Variants in MTMR10 observed in about 807,000 individuals in gnomAD.
The protein encoded by MTMR10 is myotubularin related protein 10.
A neutral mutation model predicts 88.1 loss-of-function variants in MTMR10; 56 were observed. The ratio of observed to expected loss-of-function variants is 0.64; its 90% CI spans 0.51 to 0.79. The LOEUF (loss-of-function observed/expected upper bound fraction) is 0.79, where lower values mean the gene tolerates loss of function less well. Among genes scored for constraint, MTMR10 ranks in the 30% least tolerant of loss-of-function variants. The pLI is 0.00. For missense variants in MTMR10, 883 were observed against 924.7 expected (o/e 0.95, Z 0.58); for synonymous variants, 380 against 340.9 (o/e 1.11, Z -1.26).
rs1332670285 is a variant in MTMR10 at position 30,953,593 on chromosome 15, G to A, written c.1105C>T (p.Leu369=). The part of the protein sequence containing the change: ...EETEEKWLSS[L]ENTRWLEYVR... Reference sequence around the variant, plus strand: ...TATTCTAACCATCGAGTATTTTCCAGTGAAGATAACCATTTCTCTTCAGTT... The same window carrying A: ...TATTCTAACCATCGAGTATTTTCCAATGAAGATAACCATTTCTCTTCAGTT... The change falls in exon 11 of 16, where the codon CTG becomes TTG. Residue 369 remains leucine, a synonymous_variant. Transcript: ENST00000435680. 1 of 1,546,624 alleles carries A rather than the reference G, an allele frequency of 6.5e-7. No homozygotes were observed. The highest frequency in any genetic ancestry group is 1.4e-5 in the African/African-American group (1 of 73,042).
At chr15:30,966,362 T>A (rs1263765564) in intron 6 of MTMR10, among the ~76,000 whole-genome samples, 13 of 152,222 alleles carry the variant, frequency 8.5e-5, no homozygotes, top group Admixed American at 8.5e-4. Flanking sequence ...GAAGCAGGCA[T>A]CAGGTTACCA....
rs2030025013 is a variant in MTMR10 at position 30,975,143 on chromosome 15, T to C, written c.259-140A>G. 35 of 593,400 alleles carry C rather than the reference T, an allele frequency of 5.9e-5. 1 individual carries two copies. The South Asian group carries it at 8.5e-4, about 14-fold the overall frequency. 36.8% of individuals were successfully genotyped at this position (593,400 alleles called of 1,614,324 possible). On this transcript the variant is annotated intron_variant, in intron 3 of 15. Transcript: ENST00000435680. ...GCTTTTGTCTAGGTAGCTAGGGCCA[T>C]TCCAATGTTGACAGATAGAAATTAG... is the stretch of plus-strand genomic sequence containing the variant.
intron 7 of MTMR10, among the ~76,000 whole-genome samples, chr15:30,959,513 G>A (rs951423186): frequency 5.3e-5 from 8 of 152,136 alleles, no homozygotes; most frequent in African/African-American, 1.9e-4. Context: ...CTCTTCTTAA[G>A]TCCCTCTTCT....
the MTMR10 span, among the ~76,000 whole-genome samples, chr15:30,931,265 C>T: frequency 6.6e-6 from 1 of 152,136 alleles, no homozygotes; most frequent in Non-Finnish European, 1.5e-5. Flanking sequence ...CTAGCCCAGC[C>T]CTGCTGCCCA....
At chr15:30,930,391 G>GT in the MTMR10 span, 1 of 841,040 alleles carries the variant, frequency 1.2e-6, no homozygotes, top group Non-Finnish European at 1.7e-6. Flanking sequence ...TGCAGCTCTG[G>GT]TACAAGCAGC....
the MTMR10 span, among the ~76,000 whole-genome samples, chr15:30,929,776 ATAT>A: frequency 0.019 from 453 of 23,590 alleles, 70 homozygotes; most frequent in African/African-American, 0.029. Flanking sequence ...AATATATAAT[ATAT>A]TATATCATAT....
At position 30,991,488 on chromosome 15, in the gene MTMR10, G is replaced by C; in HGVS notation, c.19C>G (p.Pro7Ala). The C allele has an allele frequency of 6.6e-7, 1 of 1,519,418 alleles. No individual in the cohort carries two copies. The highest frequency in any genetic ancestry group is 8.8e-7 in the Non-Finnish European group (1 of 1,142,620). The allele number at this position is 1,519,418 out of a possible 1,614,324, so 94.1% of individuals were successfully genotyped here. Residue 7 changes from proline to alanine, a missense_variant, in exon 1 of 16, where the codon CCC (proline) becomes GCC (alanine). Physicochemically the swap from Pro to Ala is conservative, Grantham distance 27 (BLOSUM62 -1). Transcript: ENST00000435680. ...AGGTAGGACCTGAAGGTGGGTTTGG[G>C]CGGCTTGAGGGAGAACATGGTGCCG... MFSLKP[P>A]KPTFRSYLLP...
the MTMR10 span, chr15:30,928,684 A>G: frequency 1.2e-6 from 2 of 1,613,286 alleles, no homozygotes; most frequent in Non-Finnish European, 1.7e-6. Flanking sequence ...CCCCACGAGT[A>G]GGTCCTTCTG....
intron 6 of MTMR10, chr15:30,965,891 C>T (rs1243190791): frequency 2.1e-5 from 7 of 331,394 alleles, no homozygotes; most frequent in Non-Finnish European, 3.7e-5. Context: ...GCAAAAAGGA[C>T]TTCTTTAATC....
At chr15:30,929,775 TATATTATATC>T in the MTMR10 span, among the ~76,000 whole-genome samples, 2 of 20,864 alleles carry the variant, frequency 9.6e-5, no homozygotes, top group Non-Finnish European at 1.4e-4. Context: ...AAATATATAA[TATATTATATC>T]ATATATAATA....
At chr15:30,984,230 A>G (rs986898148) in intron 2 of MTMR10, among the ~76,000 whole-genome samples, 4 of 152,202 alleles carry the variant, frequency 2.6e-5, no homozygotes, top group African/African-American at 9.7e-5. Context: ...CGGTGTTGAC[A>G]ACGATAGTGA....
At chr15:30,930,207 T>C in the MTMR10 span, among the ~76,000 whole-genome samples, 4 of 151,710 alleles carry the variant, frequency 2.6e-5, no homozygotes, top group Admixed American at 2.6e-4. Flanking sequence ...GGATACCTTC[T>C]GTGTTCCTTC....
At chr15:30,921,706 G>T in the MTMR10 span, among the ~76,000 whole-genome samples, 6 of 152,078 alleles carry the variant, frequency 3.9e-5, no homozygotes, top group Admixed American at 3.9e-4. Context: ...ATATTACAAA[G>T]ACATCCATGA....
intron 5 of MTMR10, among the ~76,000 whole-genome samples, chr15:30,974,016 T>C (rs2029914293): frequency 6.6e-6 from 1 of 152,248 alleles, no homozygotes; most frequent in African/African-American, 2.4e-5. Context: ...CTTTTCAACC[T>C]TTTAACCAAG....
downstream of MTMR10, among the ~76,000 whole-genome samples, chr15:30,936,838 CA>C (rs1285394282): frequency 2.0e-5 from 3 of 152,166 alleles, no homozygotes; most frequent in Non-Finnish European, 2.9e-5. Context: ...AGCTGTGGCT[CA>C]CTGCTGCTGC....
At chr15:30,962,220 C>A (rs73366561) in intron 6 of MTMR10, among the ~76,000 whole-genome samples, 3,596 of 152,258 alleles carry the variant, frequency 0.024, 136 homozygotes, top group African/African-American at 0.082. Context: ...ATGCTCACAG[C>A]CTCAAGAGTG....
At chr15:30,971,771 T>C (rs1595936441) in intron 5 of MTMR10, among the ~76,000 whole-genome samples, 1 of 152,290 alleles carries the variant, frequency 6.6e-6, no homozygotes, top group East Asian at 1.9e-4. Flanking sequence ...AAATGGTGGT[T>C]CTAAGTTGCT....
chr15:30,984,777 G>A (rs1276134518), intron 2 of MTMR10, among the ~76,000 whole-genome samples: 1 of 152,138 alleles, frequency 6.6e-6, no homozygotes, highest in Non-Finnish European at 1.5e-5. Flanking sequence ...ATGCGAACAG[G>A]GAAAGAACTG....
At chr15:30,942,123 T>G in intron 15 of MTMR10, 51 bp from the exon 16 acceptor site, 2 of 1,552,544 alleles carry the variant, frequency 1.3e-6, no homozygotes, top group Non-Finnish European at 1.7e-6. Flanking sequence ...TTTAGAAAGA[T>G]TGAAGGATGC....
Sources: gnomAD v4.1 joint callset for allele counts (sites outside exome capture counted in the v4.1 genomes callset) on GRCh38, gnomAD v4.1.1 for gene constraint, MANE v1.5 for transcripts, NCBI Gene and HGNC (gene_info 2026-07-23, HGNC 2026-07-21) for gene names.